Variants in NPY2R observed in about 807,000 individuals in gnomAD.
NPY2R encodes the protein neuropeptide Y receptor type 2.
Under a neutral mutation model 22.3 loss-of-function variants are expected in NPY2R, and 17 were observed. That is an observed-to-expected ratio of 0.76 (90% CI 0.52 to 1.14). The LOEUF is 1.14. Among genes scored for constraint, NPY2R ranks in the 50% most tolerant of loss-of-function variants. NPY2R has a pLI of 0.00. For synonymous variants in NPY2R, 209 were observed against 183.4 expected, an observed-to-expected ratio of 1.14 and a Z score of -1.13; for missense variants, 424 against 467.9, an observed-to-expected ratio of 0.91 and a Z score of 0.87.
At chr4:155,186,476 G>C in the NPY2R span, among the ~76,000 whole-genome samples, 24 of 152,076 alleles carry the variant, frequency 1.6e-4, no homozygotes, top group Admixed American at 1.5e-3. Context: ...TTGACAAATT[G>C]AAATTGTATA....
At chr4:155,183,722 T>A in the NPY2R span, among the ~76,000 whole-genome samples, 1 of 152,156 alleles carries the variant, frequency 6.6e-6, no homozygotes, top group Non-Finnish European at 1.5e-5. Flanking sequence ...CTTGCTCCAA[T>A]ATTGAAAGCA....
chr4:155,183,903 G>A, the NPY2R span, among the ~76,000 whole-genome samples: 2 of 152,090 alleles, frequency 1.3e-5, no homozygotes, highest in African/African-American at 4.8e-5. Context: ...TATATACTAA[G>A]CAAATCAACA....
chr4:155,213,887 T>C lies in NPY2R; in HGVS notation c.-48-5T>C. ...GTTTTGTTTTATTTTGTTTTTTCTT[T>C]TTAGGTTGTAGACTCTTGTGCTGGT... On this transcript the variant is annotated splice_polypyrimidine_tract_variant and splice_region_variant and intron_variant, in intron 1 of 1. Transcript: ENST00000329476. 6.9e-7 allele frequency: 1 copy of C among 1,440,644 alleles called. No individual in the cohort carries two copies. Among genetic ancestry groups the C allele is most frequent in the Non-Finnish European group, 9.8e-7 (1 of 1,022,922 alleles). 89.2% of individuals were successfully genotyped at this position (1,440,644 alleles called of 1,614,324 possible).
chr4:155,188,075 T>G, the NPY2R span, among the ~76,000 whole-genome samples: 3 of 152,136 alleles, frequency 2.0e-5, no homozygotes, highest in Admixed American at 6.6e-5. Context: ...CACTTTTTTT[T>G]GAGGCCCTAT....
chr4:155,173,759 G>A, the NPY2R span: 1 of 151,732 alleles, frequency 6.6e-6, no homozygotes, highest in African/African-American at 2.4e-5. Flanking sequence ...TAAAGCCACA[G>A]ACACGAATTC....
upstream of NPY2R, among the ~76,000 whole-genome samples, chr4:155,204,335 G>C (rs144895452): frequency 3.3e-5 from 5 of 152,184 alleles, no homozygotes; most frequent in African/African-American, 1.2e-4. Context: ...TCCCCACCTG[G>C]GGCCACTGAA....
the NPY2R span, among the ~76,000 whole-genome samples, chr4:155,187,222 G>A: frequency 6.6e-6 from 1 of 152,186 alleles, no homozygotes; most frequent in Non-Finnish European, 1.5e-5. Context: ...AGACCTCAGA[G>A]AGATGTCCTC....
the NPY2R span, among the ~76,000 whole-genome samples, chr4:155,185,222 T>C: frequency 6.6e-6 from 1 of 151,876 alleles, no homozygotes; most frequent in Admixed American, 6.6e-5. Flanking sequence ...GTATTTTTAG[T>C]AGAGACGGGG....
rs1386738915 is a variant in NPY2R at position 155,214,352 on chromosome 4, C to T, written c.413C>T (p.Thr138Ile). ...YAQGLAVQVS[T>I]ITLTVIALDR... ...CAGGGCCTGGCAGTACAAGTATCCA[C>T]AATCACCTTGACAGTAATTGCCCTG... Residue 138 changes from threonine (T) to isoleucine (I), a missense_variant, in exon 2 of 2, where the codon ACA (threonine) becomes ATA (isoleucine). Physicochemically the swap from Thr to Ile is moderately conservative, Grantham distance 89. Transcript: ENST00000329476. 1 of 1,614,044 alleles carries T rather than the reference C, an allele frequency of 6.2e-7. No individual in the cohort carries two copies. The highest frequency in any genetic ancestry group is 1.3e-5 in the African/African-American group (1 of 74,918).
the NPY2R span, among the ~76,000 whole-genome samples, chr4:155,185,481 G>A: frequency 2.0e-5 from 3 of 152,018 alleles, no homozygotes; most frequent in Admixed American, 6.6e-5. Context: ...CATTTTACCT[G>A]TACAAAATTA....
chr4:155,205,553 A>T (rs1729267690), upstream of NPY2R, among the ~76,000 whole-genome samples: 1 of 152,176 alleles, frequency 6.6e-6, no homozygotes, highest in African/African-American at 2.4e-5. Context: ...TGGATTGTTC[A>T]GTTATTCAAC....
At chr4:155,192,570 C>T in the NPY2R span, among the ~76,000 whole-genome samples, 1 of 151,880 alleles carries the variant, frequency 6.6e-6, no homozygotes, top group African/African-American at 2.4e-5. Flanking sequence ...ATTCCTTGCT[C>T]TTAGTAAATA....
the NPY2R span, among the ~76,000 whole-genome samples, chr4:155,185,851 A>C: frequency 6.6e-6 from 1 of 152,106 alleles, no homozygotes; most frequent in East Asian, 1.9e-4. Flanking sequence ...AGGCAGTCAC[A>C]CCATCTATTG....
At chr4:155,177,560 G>T in the NPY2R span, among the ~76,000 whole-genome samples, 4 of 152,126 alleles carry the variant, frequency 2.6e-5, no homozygotes, top group African/African-American at 9.7e-5. Context: ...GGCTGGTGCT[G>T]CATGCTGGTG....
At chr4:155,200,129 A>C in the NPY2R span, among the ~76,000 whole-genome samples, 6 of 152,322 alleles carry the variant, frequency 3.9e-5, no homozygotes, top group East Asian at 1.2e-3. Flanking sequence ...TCAAAAATCT[A>C]CGAAGAACTT....
chr4:155,184,935 A>T, the NPY2R span, among the ~76,000 whole-genome samples: 1 of 148,754 alleles, frequency 6.7e-6, no homozygotes, highest in Admixed American at 6.7e-5. Flanking sequence ...TTAAATACAT[A>T]GTCTGCTAAA....
intron 1 of NPY2R, among the ~76,000 whole-genome samples, chr4:155,210,811 C>CA (rs1485422748): frequency 6.6e-6 from 1 of 151,644 alleles, no homozygotes; most frequent in African/African-American, 2.4e-5. Context: ...TGGTGAGAGA[C>CA]AGAGAGTGAG....
chr4:155,192,512 C>T, the NPY2R span, among the ~76,000 whole-genome samples: 1 of 151,674 alleles, frequency 6.6e-6, no homozygotes, highest in African/African-American at 2.4e-5. Flanking sequence ...TTTTCTAAAA[C>T]AAAAAAGAGT....
the NPY2R span, among the ~76,000 whole-genome samples, chr4:155,203,000 C>T: frequency 6.6e-6 from 1 of 152,234 alleles, no homozygotes; most frequent in East Asian, 1.9e-4. Context: ...AAAATTCAAA[C>T]TGTGAATCAT....
Sources: gnomAD v4.1 joint callset for allele counts (sites outside exome capture counted in the v4.1 genomes callset) on GRCh38, gnomAD v4.1.1 for gene constraint, MANE v1.5 for transcripts, NCBI Gene and HGNC (gene_info 2026-07-23, HGNC 2026-07-21) for gene names.